The following KCNQ1OT1 variants were observed in gnomAD, a reference collection of about 807,000 sequenced individuals.
KCNQ1OT1 encodes KCNQ1 opposite strand/antisense transcript 1, also known as KCNQ1 antisense RNA 2 (non-protein coding).
In KCNQ1OT1 at chr11:2,657,673, T is replaced by C. The variant is rs1849874063; in HGVS notation, n.42322A>G. The C allele has an allele frequency of 2.5e-6, 1 of 398,654 alleles. No homozygotes were observed. The allele number at this position is 398,654 out of a possible 1,614,324, so 24.7% of individuals were successfully genotyped here. On this transcript the variant is annotated non_coding_transcript_exon_variant, in exon 1 of 1. Transcript: ENST00000597346. The surrounding 1 kb of genome is among the most constrained non-coding windows in gnomAD (Gnocchi z 4.8). ...TGGATTTCCCCAGTTTAACTACTAA[T>C]GTCCTTTTTCTGTTCCAAGATCCCA...
In KCNQ1OT1 at chr11:2,679,600, G is replaced by T. The variant is rs779047850; in HGVS notation, n.20395C>A. 2.3e-5 allele frequency: 9 copies of T among 398,500 alleles called. No individual in the cohort carries two copies. Among genetic ancestry groups the T allele is most frequent in the Non-Finnish European group, 4.0e-5 (9 of 226,076 alleles). 24.7% of individuals were successfully genotyped at this position (398,500 alleles called of 1,614,324 possible). A position where few individuals can be genotyped will look rare whatever the true frequency, so the allele number is the denominator to read the frequency against. Reference sequence around the variant, plus strand: ...CAGTGCCTGACAAAGCTGATGGGGAGGCGAGTTGGAATGAATAGTATCAGC... The same window carrying T: ...CAGTGCCTGACAAAGCTGATGGGGATGCGAGTTGGAATGAATAGTATCAGC... On this transcript the variant is annotated non_coding_transcript_exon_variant, in exon 1 of 1. Transcript: ENST00000597346. This position sits in a 1 kb window ranked among gnomAD's most constrained non-coding sequence, Gnocchi z 4.8.
chr11:2,679,373 TAGTCTC>T lies in KCNQ1OT1; in HGVS notation n.20616_20621del. 1 of 398,648 alleles carries T rather than the reference TAGTCTC, an allele frequency of 2.5e-6. No homozygotes were observed. 24.7% of individuals were successfully genotyped at this position (398,648 alleles called of 1,614,324 possible). The stretch of plus-strand genomic sequence containing the variant: ...CCTGCTACACCTTGAGTGAGTCACT[TAGTCTC>T]AGTTTCTTTATTTGTAAAATGGGAA... On this transcript the variant is annotated non_coding_transcript_exon_variant, in exon 1 of 1. Coordinates refer to ENST00000597346, the Ensembl canonical transcript of KCNQ1OT1. This position sits in a 1 kb window ranked among gnomAD's most constrained non-coding sequence, Gnocchi z 4.8.
At position 2,651,864 on chromosome 11, in the gene KCNQ1OT1, A is replaced by AGT. The variant is rs1849761130; in HGVS notation, n.48129_48130dup. 7.5e-6 allele frequency: 3 copies of AGT among 398,532 alleles called. No individual in the cohort carries two copies. The highest frequency in any genetic ancestry group is 6.2e-5 in the African/African-American group (3 of 48,624). 24.7% of individuals were successfully genotyped at this position (398,532 alleles called of 1,614,324 possible). On this transcript the variant is annotated non_coding_transcript_exon_variant, in exon 1 of 1. Coordinates refer to ENST00000597346, the Ensembl canonical transcript of KCNQ1OT1. This position sits in a 1 kb window ranked among gnomAD's most constrained non-coding sequence, Gnocchi z 6.1. ...CAGATGCCACCACATCTTTTCTTGAAGTAGTGTTCAGGCTGAGGGGGTCAT... is the reference window on the plus strand; with the variant it reads ...CAGATGCCACCACATCTTTTCTTGAAGTGTAGTGTTCAGGCTGAGGGGGTCAT...
At chr11:2,681,326 A>C in exon 1 of KCNQ1OT1, 1 of 398,412 alleles carries the variant, frequency 2.5e-6, no homozygotes, top group Non-Finnish European at 4.4e-6. Flanking sequence ...TCTCTCTCCA[A>C]CTGTGACCGT....
exon 1 of KCNQ1OT1, chr11:2,696,863 G>A (rs1051989068): frequency 9.5e-5 from 38 of 398,326 alleles, no homozygotes; most frequent in Non-Finnish European, 6.6e-5. Context: ...GTTGCTATTG[G>A]CATAAAGAAA....
Position 2,659,190 on chromosome 11 carries a change from T to G in KCNQ1OT1, n.40805A>C. On this transcript the variant is annotated non_coding_transcript_exon_variant, in exon 1 of 1. Transcript: ENST00000597346. The surrounding 1 kb of genome is among the most constrained non-coding windows in gnomAD (Gnocchi z 4.3). Reference sequence around the variant, plus strand: ...TTTGACAGATGTCTGGAGTCATGTGTCCACAATCCAGTATCATTCACAGAA... The same window carrying G: ...TTTGACAGATGTCTGGAGTCATGTGGCCACAATCCAGTATCATTCACAGAA... The G allele has an allele frequency of 2.5e-6, 1 of 398,620 alleles. No individual in the cohort carries two copies. The allele number at this position is 398,620 out of a possible 1,614,324, so 24.7% of individuals were successfully genotyped here.
Position 2,626,446 on chromosome 11 carries a change from T to G in KCNQ1OT1, n.73549A>C, listed in dbSNP as rs1024412975. ...GATCATGTATACAAGGGTTTATTTT[T>G]GGGCTCTCTATTCAATTCCATTGGT... On this transcript the variant is annotated non_coding_transcript_exon_variant, in exon 1 of 1. Transcript: ENST00000597346. This position sits in a 1 kb window ranked among gnomAD's most constrained non-coding sequence, Gnocchi z 4.0. 9 of 398,564 alleles carry G rather than the reference T, an allele frequency of 2.3e-5. No individual in the cohort carries two copies. The highest frequency in any genetic ancestry group is 4.1e-5 in the African/African-American group (2 of 48,650). 24.7% of individuals were successfully genotyped at this position (398,564 alleles called of 1,614,324 possible).
At chr11:2,610,006 T>C (rs1344346832) in exon 1 of KCNQ1OT1, 1 of 397,878 alleles carries the variant, frequency 2.5e-6, no homozygotes, top group Non-Finnish European at 4.4e-6. Context: ...TCCATTCACA[T>C]TTAATATTAT....
chr11:2,667,948 G>C (rs1850112773), exon 1 of KCNQ1OT1: 1 of 398,572 alleles, frequency 2.5e-6, no homozygotes, highest in Admixed American at 4.4e-5. Flanking sequence ...GGAAGCAACA[G>C]AACCCCCAGA....
At chr11:2,667,582 G>A (rs775572231) in exon 1 of KCNQ1OT1, 25 of 397,990 alleles carry the variant, frequency 6.3e-5, no homozygotes, top group Middle Eastern at 6.2e-4. Flanking sequence ...GCAGGGGGTC[G>A]GGGCGGGGTT....
chr11:2,650,447 G>C (rs929228501), exon 1 of KCNQ1OT1: 4 of 398,458 alleles, frequency 1.0e-5, no homozygotes, highest in Non-Finnish European at 1.8e-5. Flanking sequence ...GTATCATTTG[G>C]GTAGGGTGCT....
chr11:2,620,882 T>A lies in KCNQ1OT1; in HGVS notation n.79113A>T, dbSNP rs1215839595. On this transcript the variant is annotated non_coding_transcript_exon_variant, in exon 1 of 1. Coordinates refer to ENST00000597346, the Ensembl canonical transcript of KCNQ1OT1. The surrounding 1 kb of genome is among the most constrained non-coding windows in gnomAD (Gnocchi z 4.5). ...TTTTTTGACTTTTTAATAATTGCCA[T>A]TCTGACTGGTGTGAGATGGCATCCC... is the stretch of plus-strand genomic sequence containing the variant. 1.3e-5 allele frequency: 5 copies of A among 398,468 alleles called. No homozygotes were observed. The East Asian group carries it at 1.8e-4, about 14-fold the overall frequency. The allele number at this position is 398,468 out of a possible 1,614,324, so 24.7% of individuals were successfully genotyped here.
Position 2,698,952 on chromosome 11 carries a change from T to A in KCNQ1OT1, n.1043A>T, listed in dbSNP as rs1850724266. 2.5e-6 allele frequency: 1 copy of A among 398,532 alleles called. No individual in the cohort carries two copies. Among genetic ancestry groups the A allele is most frequent in the Non-Finnish European group, 4.4e-6 (1 of 226,072 alleles). The allele number at this position is 398,532 out of a possible 1,614,324, so 24.7% of individuals were successfully genotyped here. A position where few individuals can be genotyped will look rare whatever the true frequency, so the allele number is the denominator to read the frequency against. On this transcript the variant is annotated non_coding_transcript_exon_variant, in exon 1 of 1. Transcript: ENST00000597346. This position sits in a 1 kb window ranked among gnomAD's most constrained non-coding sequence, Gnocchi z 5.1. ...ACCCGAATTCTGATCCCAACTAGGA[T>A]ACCTAACTCAGAACCACAACGGGGA...
chr11:2,659,734 A>C lies in KCNQ1OT1; in HGVS notation n.40261T>G, dbSNP rs891718553. On this transcript the variant is annotated non_coding_transcript_exon_variant, in exon 1 of 1. Transcript: ENST00000597346. The surrounding 1 kb of genome is among the most constrained non-coding windows in gnomAD (Gnocchi z 4.3). ...CACCAGTAACATATGAGAGTTCTAC[A>C]TGTTCCACATCCTCAAGAGTGGTTG... 2.5e-6 allele frequency: 1 copy of C among 398,530 alleles called. No individual in the cohort carries two copies. The highest frequency in any genetic ancestry group is 4.4e-6 in the Non-Finnish European group (1 of 226,016). The allele number at this position is 398,530 out of a possible 1,614,324, so 24.7% of individuals were successfully genotyped here. A position where few individuals can be genotyped will look rare whatever the true frequency, so the allele number is the denominator to read the frequency against.
chr11:2,692,549 G>T (rs1419589280), exon 1 of KCNQ1OT1: 1 of 398,666 alleles, frequency 2.5e-6, no homozygotes. Flanking sequence ...CCCTTGGCCT[G>T]CCCCTGCCAC....
At chr11:2,662,378 G>T in exon 1 of KCNQ1OT1, 3 of 459,500 alleles carry the variant, frequency 6.5e-6, no homozygotes, top group Non-Finnish European at 1.2e-5. Context: ...CTCTCCCCCA[G>T]CCCCCTCCCC....
rs1203457297 is a variant in KCNQ1OT1 at position 2,676,248 on chromosome 11, T to C, written n.23747A>G. The C allele has an allele frequency of 2.5e-6, 1 of 398,562 alleles. No individual in the cohort carries two copies. The highest frequency in any genetic ancestry group is 2.1e-5 in the African/African-American group (1 of 48,652). 24.7% of individuals were successfully genotyped at this position (398,562 alleles called of 1,614,324 possible). A position where few individuals can be genotyped will look rare whatever the true frequency, so the allele number is the denominator to read the frequency against. On this transcript the variant is annotated non_coding_transcript_exon_variant, in exon 1 of 1. Transcript: ENST00000597346. The surrounding 1 kb of genome is among the most constrained non-coding windows in gnomAD (Gnocchi z 4.2). Reference sequence around the variant, plus strand: ...CTGATTTATTATGGTGCAGTACATCTGAGAAGCATTTTTATTGCAAAATGT... The same window carrying C: ...CTGATTTATTATGGTGCAGTACATCCGAGAAGCATTTTTATTGCAAAATGT...
rs1848918059 is a variant in KCNQ1OT1, at chr11:2,608,474, C to A, written n.91521G>T. On this transcript the variant is annotated non_coding_transcript_exon_variant, in exon 1 of 1. Transcript: ENST00000597346. The surrounding 1 kb of genome is among the most constrained non-coding windows in gnomAD (Gnocchi z 4.6). ...GGTAGTATACTTCCCTCATTCATTC[C>A]TTTTTCCTTTTCTTTTTGAGAAACA... The A allele has an allele frequency of 2.5e-6, 1 of 398,256 alleles. No homozygotes were observed. The highest frequency in any genetic ancestry group is 4.4e-6 in the Non-Finnish European group (1 of 225,984). The allele number at this position is 398,256 out of a possible 1,614,324, so 24.7% of individuals were successfully genotyped here. A position where few individuals can be genotyped will look rare whatever the true frequency, so the allele number is the denominator to read the frequency against.
In KCNQ1OT1 at chr11:2,663,443, C is replaced by T. The variant is rs1221779134; in HGVS notation, n.36552G>A. ...TGTACCAAGTCCTGGATATGATGGA[C>T]CTCCAAAGTGATCAGTGTTAGTTTA... On this transcript the variant is annotated non_coding_transcript_exon_variant, in exon 1 of 1. Coordinates refer to ENST00000597346, the Ensembl canonical transcript of KCNQ1OT1. This position sits in a 1 kb window ranked among gnomAD's most constrained non-coding sequence, Gnocchi z 5.2. 1.0e-5 allele frequency: 4 copies of T among 398,662 alleles called. No homozygotes were observed. The highest frequency in any genetic ancestry group is 1.8e-5 in the Non-Finnish European group (4 of 226,182). The allele number at this position is 398,662 out of a possible 1,614,324, so 24.7% of individuals were successfully genotyped here.
Sources: allele counts gnomAD v4.1 joint callset, GRCh38; gene constraint gnomAD v4.1.1; non-coding constraint Gnocchi (gnomAD v3.1); transcripts MANE v1.5; gene names NCBI Gene and HGNC (gene_info 2026-07-23, HGNC 2026-07-21).